Variants in LRRC69 observed in about 807,000 individuals in gnomAD.
LRRC69 encodes the protein leucine rich repeat containing 69, also known as leucine-rich repeat-containing protein 69.
A neutral mutation model predicts 37.8 loss-of-function variants in LRRC69; 42 were observed. That is an observed-to-expected ratio of 1.11 (90% CI 0.87 to 1.44). The LOEUF (loss-of-function observed/expected upper bound fraction) is 1.44. Ranked by LOEUF, LRRC69 falls within the 40% of genes most tolerant of loss-of-function variation. LRRC69 has a pLI of 0.00. For missense variants in LRRC69, 357 were observed against 401.9 expected (o/e 0.89, Z 0.96); for synonymous variants, 141 against 143.1 (o/e 0.99, Z 0.11).
chr8:91,115,029 A>G (rs1019541449), intron 1 of LRRC69, among the ~76,000 whole-genome samples: 3 of 151,968 alleles, frequency 2.0e-5, no homozygotes, highest in African/African-American at 7.2e-5. Flanking sequence ...AATGGTGGCT[A>G]CAAGGGTCTA....
intron 3 of LRRC69, among the ~76,000 whole-genome samples, chr8:91,128,360 A>G (rs922110572): frequency 3.3e-5 from 5 of 152,112 alleles, no homozygotes; most frequent in African/African-American, 1.2e-4. Flanking sequence ...ACAGTATTCA[A>G]GGAATCGTAA....
intron 5 of LRRC69, among the ~76,000 whole-genome samples, chr8:91,164,531 T>G (rs936825448): frequency 2.0e-5 from 3 of 151,648 alleles, no homozygotes; most frequent in African/African-American, 7.2e-5. Flanking sequence ...TCTATCTAGG[T>G]CACAGATGCT....
intron 5 of LRRC69, among the ~76,000 whole-genome samples, chr8:91,164,867 G>A (rs2130570725): frequency 6.6e-6 from 1 of 151,742 alleles, no homozygotes; most frequent in African/African-American, 2.4e-5. Flanking sequence ...TGATTATCAT[G>A]TATTGTTCTT....
Position 91,218,469 on chromosome 8 carries a change from A to G in LRRC69, c.934-421A>G, listed in dbSNP as rs537697848. On this transcript the variant is annotated intron_variant, in intron 7 of 7. Coordinates refer to ENST00000448384, the Ensembl canonical transcript of LRRC69. ...GTGAACAAAGAATTTTAGGAAGATT[A>G]ATTTCCATGGCAACTGCATGCTGGG... is the stretch of plus-strand genomic sequence containing the variant. 3.3e-5 allele frequency among the ~76,000 whole-genome samples: 5 copies of G among 152,296 alleles called. No homozygotes were observed. The South Asian group carries it at 1.0e-3, about 32-fold the overall frequency.
In LRRC69 at chr8:91,204,305, G is replaced by A. The variant is rs531849014; in HGVS notation, c.933+3513G>A. Among the ~76,000 whole-genome samples, 3 of 152,218 alleles carry A rather than the reference G, an allele frequency of 2.0e-5. No individual in the cohort carries two copies. In the South Asian group the frequency reaches 6.2e-4, roughly 32 times the overall value. On this transcript the variant is annotated intron_variant, in intron 7 of 7. Transcript: ENST00000448384. ...CAAAAAGTTGAATATAAAAAAAGTT[G>A]AATGAATATTCATTGGTTGAATATA...
At chr8:91,107,188 G>T (rs745540009) in intron 1 of LRRC69, among the ~76,000 whole-genome samples, 2 of 151,710 alleles carry the variant, frequency 1.3e-5, no homozygotes, top group African/African-American at 4.8e-5. Context: ...AGGCTGGAGT[G>T]CAGTGGCGTG....
intron 1 of LRRC69, among the ~76,000 whole-genome samples, chr8:91,114,050 T>C (rs1429933345): frequency 2.1e-5 from 3 of 146,264 alleles, no homozygotes; most frequent in African/African-American, 7.6e-5. Flanking sequence ...AGCCAATAGG[T>C]ATATGAAAAG....
At chr8:91,108,812 A>G (rs868826923) in intron 1 of LRRC69, among the ~76,000 whole-genome samples, 17 of 151,986 alleles carry the variant, frequency 1.1e-4, no homozygotes, top group Non-Finnish European at 2.2e-4. Flanking sequence ...TCTTCTTCCA[A>G]TGTGGCCCAG....
intron 5 of LRRC69, among the ~76,000 whole-genome samples, chr8:91,184,599 G>A (rs1490451875): frequency 6.6e-6 from 1 of 152,176 alleles, no homozygotes; most frequent in Non-Finnish European, 1.5e-5. Context: ...CATATCTCAT[G>A]CACATGTGAG....
intron 5 of LRRC69, among the ~76,000 whole-genome samples, chr8:91,147,047 C>T (rs560903699): frequency 6.6e-6 from 1 of 151,334 alleles, no homozygotes. Context: ...TTGACTATTT[C>T]TTTGTGTTCT....
At chr8:91,218,550 A>G (rs1030885682) in intron 7 of LRRC69, among the ~76,000 whole-genome samples, 3 of 152,184 alleles carry the variant, frequency 2.0e-5, no homozygotes, top group African/African-American at 7.2e-5. Context: ...TGATTGATCA[A>G]TTTAATACCC....
intron 6 of LRRC69, among the ~76,000 whole-genome samples, chr8:91,197,536 T>C (rs1351439196): frequency 6.6e-6 from 1 of 152,122 alleles, no homozygotes; most frequent in South Asian, 2.1e-4. Flanking sequence ...TGCGGGATAT[T>C]ATCTCGTGGT....
Position 91,189,506 on chromosome 8 carries a change from T to A in LRRC69, c.652-16T>A. On this transcript the variant is annotated splice_polypyrimidine_tract_variant and intron_variant, in intron 5 of 7. Transcript: ENST00000448384. ...TTATTTTGTTGTGCAATAAGGTTTT[T>A]ATTTTGTTTGAAAAGTTTCAGGATC... 1 of 1,513,678 alleles carries A rather than the reference T, an allele frequency of 6.6e-7. No individual in the cohort carries two copies. The highest frequency in any genetic ancestry group is 9.0e-7 in the Non-Finnish European group (1 of 1,114,558). The allele number at this position is 1,513,678 out of a possible 1,614,324, so 93.8% of individuals were successfully genotyped here. A position where few individuals can be genotyped will look rare whatever the true frequency, so the allele number is the denominator to read the frequency against.
intron 5 of LRRC69, among the ~76,000 whole-genome samples, chr8:91,142,689 T>A (rs1333857641): frequency 1.3e-5 from 2 of 151,978 alleles, no homozygotes; most frequent in East Asian, 3.8e-4. Context: ...ATGCTGTAAG[T>A]CCAGGAACTA....
chr8:91,208,304 G>A (rs1286830393), intron 7 of LRRC69, among the ~76,000 whole-genome samples: 1 of 152,094 alleles, frequency 6.6e-6, no homozygotes. Flanking sequence ...TTTAAAAATT[G>A]TTTATATAAG....
intron 5 of LRRC69, among the ~76,000 whole-genome samples, chr8:91,170,945 A>G (rs1442003089): frequency 2.8e-5 from 4 of 141,792 alleles, no homozygotes; most frequent in African/African-American, 7.9e-5. Context: ...AAAAGAAACT[A>G]CCATCAGAGT....
In LRRC69 at chr8:91,159,157, C is replaced by T. The variant is rs534880832; in HGVS notation, c.651+23418C>T. 9.2e-4 allele frequency among the ~76,000 whole-genome samples: 139 copies of T among 151,230 alleles called. 1 individual carries two copies. Among genetic ancestry groups the T allele is most frequent in the African/African-American group, 3.2e-3 (134 of 41,418 alleles). On this transcript the variant is annotated intron_variant, in intron 5 of 7. Coordinates refer to ENST00000448384, the Ensembl canonical transcript of LRRC69. ...ATTGATCCTTCTAACATGCTGTTGACATCACACCTAATATTCAGAGGGAAT... is the reference window on the plus strand; with the variant it reads ...ATTGATCCTTCTAACATGCTGTTGATATCACACCTAATATTCAGAGGGAAT...
intron 5 of LRRC69, among the ~76,000 whole-genome samples, chr8:91,175,918 C>T (rs1397658017): frequency 6.6e-6 from 1 of 150,990 alleles, no homozygotes; most frequent in Non-Finnish European, 1.5e-5. Context: ...GGCGTATTTC[C>T]TTCTTCTCCA....
At chr8:91,110,980 T>C (rs13256627) in intron 1 of LRRC69, among the ~76,000 whole-genome samples, 10,892 of 152,124 alleles carry the variant, frequency 0.072, 565 homozygotes, top group Non-Finnish European at 0.11. Flanking sequence ...TAATGACTAT[T>C]CCATAGTTTG....
Sources: gnomAD v4.1 joint callset for allele counts (sites outside exome capture counted in the v4.1 genomes callset) on GRCh38, gnomAD v4.1.1 for gene constraint, MANE v1.5 for transcripts, NCBI Gene and HGNC (gene_info 2026-07-23, HGNC 2026-07-21) for gene names.